Variants in NRG3 observed in about 807,000 individuals in gnomAD.
NRG3 encodes the protein pro-neuregulin-3, membrane-bound isoform.
NRG3 carries 31 observed loss-of-function variants against 66.9 expected under a neutral mutation model. The ratio of observed to expected loss-of-function variants is 0.46; its 90% confidence interval spans 0.35 to 0.63. The LOEUF is 0.63. Ranked by LOEUF, NRG3 falls within the 20% of genes least tolerant of loss-of-function variation. NRG3 has a pLI of 0.00. For missense variants in NRG3, 910 were observed against 878.9 expected, an observed-to-expected ratio of 1.04 and a Z score of -0.45; for synonymous variants, 393 against 359.4, an observed-to-expected ratio of 1.09 and a Z score of -1.06.
intron 3 of NRG3, among the ~76,000 whole-genome samples, chr10:82,841,617 T>C (rs751383030): frequency 6.6e-6 from 1 of 152,108 alleles, no homozygotes; most frequent in African/African-American, 2.4e-5. Flanking sequence ...CAGAAAAACT[T>C]CAGTTTTGCT....
chr10:82,012,079 C>T (rs771945579), intron 1 of NRG3, among the ~76,000 whole-genome samples: 8 of 152,194 alleles, frequency 5.3e-5, no homozygotes, highest in Non-Finnish European at 7.3e-5. Context: ...GTGAGGGCCT[C>T]GCCCCTGCAG....
chr10:82,875,073 G>C (rs888075452), intron 4 of NRG3, among the ~76,000 whole-genome samples: 1 of 152,168 alleles, frequency 6.6e-6, no homozygotes, highest in African/African-American at 2.4e-5. Context: ...GCTGGTCATT[G>C]TATTCTCTCA....
chr10:82,133,156 T>C (rs930007847), intron 1 of NRG3, among the ~76,000 whole-genome samples: 1 of 152,086 alleles, frequency 6.6e-6, no homozygotes, highest in African/African-American at 2.4e-5. Flanking sequence ...ATTAAGTTGT[T>C]TATTTGAAAT....
intron 3 of NRG3, among the ~76,000 whole-genome samples, chr10:82,836,847 T>C (rs2062805783): frequency 6.6e-6 from 1 of 152,004 alleles, no homozygotes; most frequent in Admixed American, 6.6e-5. Context: ...ACCCATTAAC[T>C]CATCATTTAA....
intron 4 of NRG3, among the ~76,000 whole-genome samples, chr10:82,875,054 G>T (rs1841685610): frequency 6.6e-6 from 1 of 152,136 alleles, no homozygotes; most frequent in African/African-American, 2.4e-5. Flanking sequence ...GTATAAAAAG[G>T]ACCACTTAGC....
intron 1 of NRG3, among the ~76,000 whole-genome samples, chr10:81,990,996 G>A (rs2060717896): frequency 6.6e-6 from 1 of 152,136 alleles, no homozygotes; most frequent in Admixed American, 6.6e-5. Flanking sequence ...GTGAGAAGCT[G>A]AGTCAAAAAT....
At chr10:81,928,310 C>T (rs1847009681) in intron 1 of NRG3, among the ~76,000 whole-genome samples, 1 of 152,176 alleles carries the variant, frequency 6.6e-6, no homozygotes, top group Admixed American at 6.5e-5. Flanking sequence ...GTCTCCCCTG[C>T]AGGGATTCTG....
intron 2 of NRG3, among the ~76,000 whole-genome samples, chr10:82,483,203 A>C (rs906646781): frequency 1.3e-5 from 2 of 152,210 alleles, no homozygotes; most frequent in African/African-American, 4.8e-5. Flanking sequence ...TTGCTAGAGA[A>C]CTGGACTTCA....
intron 3 of NRG3, among the ~76,000 whole-genome samples, chr10:82,779,717 A>G (rs369016438): frequency 4.9e-4 from 75 of 151,562 alleles, no homozygotes; most frequent in African/African-American, 1.7e-3. Context: ...TAGTTACTGA[A>G]ATTTTCTATT....
intron 1 of NRG3, among the ~76,000 whole-genome samples, chr10:82,254,923 T>C (rs531735071): frequency 6.6e-6 from 1 of 152,200 alleles, no homozygotes; most frequent in Non-Finnish European, 1.5e-5. Context: ...ATAATTTATG[T>C]AGATATTCAG....
At chr10:82,544,774 A>C (rs2043780737) in intron 2 of NRG3, among the ~76,000 whole-genome samples, 1 of 152,164 alleles carries the variant, frequency 6.6e-6, no homozygotes. Flanking sequence ...AGTTCAATAA[A>C]CACTTATTAT....
At chr10:82,978,552 C>T (rs542602930) in intron 7 of NRG3, among the ~76,000 whole-genome samples, 10 of 152,276 alleles carry the variant, frequency 6.6e-5, no homozygotes, top group Admixed American at 5.9e-4. Flanking sequence ...CAGTTTTTGT[C>T]AGCGTCTCAT....
chr10:82,187,472 C>T (rs2073874398), intron 1 of NRG3, among the ~76,000 whole-genome samples: 1 of 152,142 alleles, frequency 6.6e-6, no homozygotes, highest in South Asian at 2.1e-4. Flanking sequence ...CTGTTAATCA[C>T]TTATGTCCTG....
At chr10:82,201,867 C>G (rs1429325144) in intron 1 of NRG3, among the ~76,000 whole-genome samples, 1 of 151,940 alleles carries the variant, frequency 6.6e-6, no homozygotes, top group Non-Finnish European at 1.5e-5. Context: ...CATTTTGTGT[C>G]TAGTATGTAA....
In NRG3 at chr10:82,073,001, C is replaced by T. The variant is rs551783780; in HGVS notation, c.823+196838C>T. 1.2e-4 allele frequency among the ~76,000 whole-genome samples: 18 copies of T among 152,018 alleles called. No homozygotes were observed. The East Asian group carries it at 3.5e-3, about 29-fold the overall frequency. ...TGTTTCCCAGGCTGGTCTTGAACTCCTGGTCTCAAGAGATACACTCACTTT... is the reference window on the plus strand; with the variant it reads ...TGTTTCCCAGGCTGGTCTTGAACTCTTGGTCTCAAGAGATACACTCACTTT... On this transcript the variant is annotated intron_variant, in intron 1 of 8. Coordinates refer to ENST00000372141, the MANE Select transcript of NRG3 (RefSeq NM_001010848.4).
At chr10:82,951,171 C>A (rs1439223685) in intron 4 of NRG3, among the ~76,000 whole-genome samples, 1 of 152,184 alleles carries the variant, frequency 6.6e-6, no homozygotes, top group African/African-American at 2.4e-5. Flanking sequence ...ATTTCACAGG[C>A]TTATGTCCCC....
intron 3 of NRG3, among the ~76,000 whole-genome samples, chr10:82,747,693 T>G (rs1334340280): frequency 1.3e-5 from 2 of 152,050 alleles, no homozygotes; most frequent in Non-Finnish European, 2.9e-5. Flanking sequence ...TCAATCTTAT[T>G]TAAAAGAGTT....
intron 1 of NRG3, among the ~76,000 whole-genome samples, chr10:82,007,498 G>T (rs1053283575): frequency 6.6e-6 from 1 of 152,070 alleles, no homozygotes; most frequent in Non-Finnish European, 1.5e-5. Context: ...TGAGCCATCA[G>T]TGCCCGGCCT....
intron 2 of NRG3, among the ~76,000 whole-genome samples, chr10:82,730,113 T>C (rs2057822232): frequency 6.9e-6 from 1 of 144,776 alleles, no homozygotes. Context: ...TGAGACGGAG[T>C]CTCGCTCTGT....
Sources: gnomAD v4.1 joint callset for allele counts (sites outside exome capture counted in the v4.1 genomes callset) on GRCh38, gnomAD v4.1.1 for gene constraint, MANE v1.5 for transcripts, NCBI Gene and HGNC (gene_info 2026-07-23, HGNC 2026-07-21) for gene names.